Variants in GRIK4 observed in about 807,000 individuals in gnomAD.
The protein encoded by GRIK4 is glutamate ionotropic receptor kainate type subunit 4.
In GRIK4, 40 loss-of-function variants were observed where a neutral mutation model predicts 104.9. The observed-to-expected ratio is 0.38, with a 90% CI of 0.30 to 0.50. The LOEUF (loss-of-function observed/expected upper bound fraction) is 0.50, where lower values mean the gene tolerates loss of function less well. Ranked by LOEUF, GRIK4 falls within the 20% of genes least tolerant of loss-of-function variation. GRIK4 has a pLI of 0.93. For missense variants in GRIK4, 1,047 were observed against 1,308.1 expected (o/e 0.80, Z 3.08); for synonymous variants, 485 against 524.9 (o/e 0.92, Z 1.04).
chr11:120,928,168 C>T (rs1268914084), intron 13 of GRIK4, among the ~76,000 whole-genome samples: 2 of 149,600 alleles, frequency 1.3e-5, no homozygotes, highest in Non-Finnish European at 3.0e-5. Flanking sequence ...GAGCCGAGAT[C>T]GCACCACTGC....
At chr11:120,565,272 C>T (rs1384352334) in intron 1 of GRIK4, among the ~76,000 whole-genome samples, 1 of 152,216 alleles carries the variant, frequency 6.6e-6, no homozygotes, top group Non-Finnish European at 1.5e-5. Flanking sequence ...GAGGAGCCGG[C>T]GATTAAAGGA....
At chr11:120,955,972 C>T (rs1204292754) in intron 15 of GRIK4, among the ~76,000 whole-genome samples, 1 of 152,142 alleles carries the variant, frequency 6.6e-6, no homozygotes, top group Non-Finnish European at 1.5e-5. Context: ...CCAGACTTAC[C>T]AGTGCAGAAG....
chr11:120,818,395 CA>C (rs1189948449), intron 5 of GRIK4, among the ~76,000 whole-genome samples: 7 of 152,218 alleles, frequency 4.6e-5, no homozygotes, highest in Admixed American at 1.3e-4. Context: ...ATACAAAATA[CA>C]AGCGGGAAGA....
chr11:120,814,854 T>C (rs1177350484), intron 4 of GRIK4, among the ~76,000 whole-genome samples: 1 of 152,234 alleles, frequency 6.6e-6, no homozygotes, highest in Non-Finnish European at 1.5e-5. Context: ...TTTCTTTCCC[T>C]TTTTCTTGCC....
chr11:120,538,659 G>T (rs1948002883), intron 1 of GRIK4, among the ~76,000 whole-genome samples: 1 of 152,252 alleles, frequency 6.6e-6, no homozygotes, highest in Non-Finnish European at 1.5e-5. Context: ...TGTTCTCAGG[G>T]TTGCTGCTGG....
chr11:120,898,762 A>G, intron 12 of GRIK4, 123 bp downstream of exon 12: 1 of 650,458 alleles, frequency 1.5e-6, no homozygotes, highest in Non-Finnish European at 2.8e-6. Context: ...AGCCCAATTT[A>G]TGACAGCGTA....
At chr11:120,598,412 G>C (rs962061205) in intron 1 of GRIK4, among the ~76,000 whole-genome samples, 1 of 152,150 alleles carries the variant, frequency 6.6e-6, no homozygotes, top group East Asian at 1.9e-4. Flanking sequence ...TTCTCCATCG[G>C]CTCCAGGGAC....
At chr11:120,908,199 A>G (rs1942911617) in intron 13 of GRIK4, among the ~76,000 whole-genome samples, 1 of 152,216 alleles carries the variant, frequency 6.6e-6, no homozygotes, top group African/African-American at 2.4e-5. Context: ...AAGATCACAC[A>G]GCTAGTAAGT....
At chr11:120,569,333 A>G (rs1012480374) in intron 1 of GRIK4, among the ~76,000 whole-genome samples, 2 of 152,236 alleles carry the variant, frequency 1.3e-5, no homozygotes, top group African/African-American at 4.8e-5. Context: ...TACTATGACC[A>G]ATGATGATAA....
chr11:120,934,122 G>A (rs796876464), intron 13 of GRIK4, among the ~76,000 whole-genome samples: 13 of 150,850 alleles, frequency 8.6e-5, no homozygotes, highest in African/African-American at 2.9e-4. Flanking sequence ...GGAGAATGGC[G>A]TGAACCCGGG....
At chr11:120,776,765 T>C (rs72995856) in intron 3 of GRIK4, among the ~76,000 whole-genome samples, 7,984 of 152,268 alleles carry the variant, frequency 0.052, 419 homozygotes, top group African/African-American at 0.13. Flanking sequence ...TTGTCGGGCC[T>C]CTCGGTTCCT....
chr11:120,546,374 G>T, intron 1 of GRIK4, among the ~76,000 whole-genome samples: 1 of 152,176 alleles, frequency 6.6e-6, no homozygotes, highest in East Asian at 1.9e-4. Context: ...GCATTTTTCA[G>T]TTGGGAAAGA....
intron 1 of GRIK4, among the ~76,000 whole-genome samples, chr11:120,561,908 C>T (rs1443311643): frequency 6.6e-6 from 1 of 152,200 alleles, no homozygotes; most frequent in Non-Finnish European, 1.5e-5. Flanking sequence ...CTTTGTGGCC[C>T]ACTTGAAAAG....
At chr11:120,617,096 G>T (rs1302654263) in intron 1 of GRIK4, among the ~76,000 whole-genome samples, 3 of 152,204 alleles carry the variant, frequency 2.0e-5, no homozygotes, top group East Asian at 1.9e-4. Context: ...AGTGTTACGT[G>T]TAAGTAGTGA....
chr11:120,757,252 G>C (rs1235878172), intron 3 of GRIK4, among the ~76,000 whole-genome samples: 1 of 152,246 alleles, frequency 6.6e-6, no homozygotes, highest in Non-Finnish European at 1.5e-5. Context: ...AAGTGAGGTT[G>C]TGTCTGCTGG....
rs2852240 is a variant in GRIK4, at chr11:120,928,980, T to C, written c.1477-11367T>C. ...AAAGACGTGTGTGTGTGTGTGTGTG[T>C]GTGTGTGTGCGCGCGTGCACGCGTG... is the stretch of plus-strand genomic sequence containing the variant. On this transcript the variant is annotated intron_variant, in intron 13 of 20. Transcript: ENST00000527524. Among the ~76,000 whole-genome samples, 431 of 113,676 alleles carry C rather than the reference T, an allele frequency of 3.8e-3. 3 individuals carry two copies. The highest frequency in any genetic ancestry group is 0.011 in the African/African-American group (395 of 36,034). The allele number at this position is 113,676 out of a possible 152,430, so 74.6% of individuals were successfully genotyped here. A position where few individuals can be genotyped will look rare whatever the true frequency, so the allele number is the denominator to read the frequency against.
chr11:120,773,095 T>C (rs1429008146), intron 3 of GRIK4, among the ~76,000 whole-genome samples: 4 of 152,230 alleles, frequency 2.6e-5, no homozygotes, highest in Admixed American at 2.6e-4. Flanking sequence ...TTAATCATCA[T>C]AACAGTAGAT....
intron 3 of GRIK4, among the ~76,000 whole-genome samples, chr11:120,761,625 A>G (rs982083938): frequency 1.3e-5 from 2 of 152,164 alleles, no homozygotes; most frequent in Non-Finnish European, 2.9e-5. Context: ...TAATTTTTGT[A>G]TAAGGTGTAA....
chr11:120,626,715 T>C (rs1278571931), intron 1 of GRIK4, among the ~76,000 whole-genome samples: 1 of 152,158 alleles, frequency 6.6e-6, no homozygotes, highest in Non-Finnish European at 1.5e-5. Flanking sequence ...TCTCAAGGAC[T>C]CCGCAGCTGC....
Sources: allele counts gnomAD v4.1 joint callset (sites outside exome capture counted in the v4.1 genomes callset), GRCh38; gene constraint gnomAD v4.1.1; transcripts MANE v1.5; gene names NCBI Gene and HGNC (gene_info 2026-07-23, HGNC 2026-07-21).